FREM3: variants seen among roughly 807,000 people sequenced by gnomAD.
FREM3 encodes FRAS1 related extracellular matrix 3.
In FREM3, 105 loss-of-function variants were observed where a neutral mutation model predicts 129.1. That is an observed-to-expected ratio of 0.81 (90% confidence interval 0.69 to 0.96). The LOEUF (loss-of-function observed/expected upper bound fraction) is 0.96, where lower values mean the gene tolerates loss of function less well. Ranked by LOEUF, FREM3 falls within the 40% of genes least tolerant of loss-of-function variation. The pLI, the probability that FREM3 is intolerant of heterozygous loss-of-function variation, is 0.00. For missense variants in FREM3, 2,593 were observed against 2,666.3 expected, an observed-to-expected ratio of 0.97 and a Z score of 0.61; for synonymous variants, 1,014 against 1,044.9, an observed-to-expected ratio of 0.97 and a Z score of 0.57.
intron 2 of FREM3, among the ~76,000 whole-genome samples, chr4:143,656,708 A>T (rs1478970349): frequency 6.6e-6 from 1 of 152,200 alleles, no homozygotes; most frequent in Admixed American, 6.5e-5. Flanking sequence ...TTTTTGGAGG[A>T]TATAAACTGT....
chr4:143,681,442 A>C (rs1162351427), intron 2 of FREM3, among the ~76,000 whole-genome samples: 2 of 152,166 alleles, frequency 1.3e-5, no homozygotes, highest in African/African-American at 2.4e-5. Context: ...AAGATTAATA[A>C]ACTTGACAGT....
rs138891238 is a variant in FREM3, at chr4:143,599,218, T to C, written c.6028+12061A>G. ...AATTAAAGTTATTTAACCATAAATT[T>C]GGCTTTATTTTAAGTAGCAAACTCT... On this transcript the variant is annotated intron_variant, in intron 6 of 7. Transcript: ENST00000329798. 2.1e-4 allele frequency among the ~76,000 whole-genome samples: 32 copies of C among 152,300 alleles called. No individual in the cohort carries two copies. The East Asian group carries it at 5.6e-3, about 27-fold the overall frequency.
chr4:143,615,258 C>T (rs72940205), intron 5 of FREM3, among the ~76,000 whole-genome samples: 7,225 of 152,232 alleles, frequency 0.047, 463 homozygotes, highest in African/African-American at 0.15. Flanking sequence ...TGATAGTCAG[C>T]CTGGGGCACT....
At chr4:143,639,760 TA>T (rs1259869204) in intron 2 of FREM3, among the ~76,000 whole-genome samples, 32 of 152,268 alleles carry the variant, frequency 2.1e-4, no homozygotes, top group African/African-American at 7.7e-4. Flanking sequence ...ATTGACTGCA[TA>T]TTATCACCAA....
intron 2 of FREM3, among the ~76,000 whole-genome samples, chr4:143,649,734 G>A (rs72723198): frequency 0.028 from 4,334 of 152,108 alleles, 94 homozygotes; most frequent in Non-Finnish European, 0.039. Flanking sequence ...TACAGGCTTG[G>A]CAAATGAGGC....
At position 143,649,790 on chromosome 4, in the gene FREM3, A is replaced by G. The variant is rs538134238; in HGVS notation, c.5276-22030T>C. Reference sequence around the variant, plus strand: ...GCACTAGATAACAGAATTGCAGATTATTTATGAAAAATTAAGGTCTGTTTA... The same window carrying G: ...GCACTAGATAACAGAATTGCAGATTGTTTATGAAAAATTAAGGTCTGTTTA... On this transcript the variant is annotated intron_variant, in intron 2 of 7. Coordinates refer to ENST00000329798, the MANE Select transcript of FREM3 (RefSeq NM_001168235.2). Among the ~76,000 whole-genome samples the G allele has an allele frequency of 2.6e-5, 4 of 152,332 alleles. No individual in the cohort carries two copies. The South Asian group carries it at 8.3e-4, about 32-fold the overall frequency.
Position 143,700,510 on chromosome 4 carries a change from G to C in FREM3, c.166C>G (p.Arg56Gly). ...ATCAGCACGCTGGGGCCGTCGGGGC[G>C]AGTGCCGTCAAGCGCACCCCGGGCG... ...LPARGALDGTRPDGPSVLIAN... is the reference protein window; with the variant it reads ...LPARGALDGTGPDGPSVLIAN... Residue 56 changes from arginine (R) to glycine (G), a missense_variant, in exon 1 of 8, where the codon CGC becomes GGC. By Grantham distance (125) the Arg-to-Gly change is moderately radical. Coordinates refer to ENST00000329798, the MANE Select transcript of FREM3 (RefSeq NM_001168235.2). 1 of 1,517,720 alleles carries C rather than the reference G, an allele frequency of 6.6e-7. No individual in the cohort carries two copies. Among genetic ancestry groups the C allele is most frequent in the South Asian group, 1.2e-5 (1 of 81,684 alleles). The allele number at this position is 1,517,720 out of a possible 1,614,324, so 94.0% of individuals were successfully genotyped here.
chr4:143,680,892 A>G (rs1740236787), intron 2 of FREM3, among the ~76,000 whole-genome samples: 1 of 152,134 alleles, frequency 6.6e-6, no homozygotes, highest in South Asian at 2.1e-4. Flanking sequence ...TAAATCTCTT[A>G]TTAATTTATT....
intron 6 of FREM3, among the ~76,000 whole-genome samples, chr4:143,610,644 T>A (rs2149839119): frequency 6.6e-6 from 1 of 152,306 alleles, no homozygotes; most frequent in East Asian, 1.9e-4. Flanking sequence ...TGGCCCTGTC[T>A]TTATTACCAT....
In FREM3 at chr4:143,591,966, G is replaced by A. The variant is rs140520692; in HGVS notation, c.6029-5973C>T. 1.0e-2 allele frequency among the ~76,000 whole-genome samples: 1,518 copies of A among 152,320 alleles called. 25 individuals are homozygous for A. The highest frequency in any genetic ancestry group is 0.032 in the African/African-American group (1,331 of 41,562). ...ATATTTAGGATAGTTAGTTGTTCTT[G>A]TTGAATTGATCCCTTTACCATTATG... On this transcript the variant is annotated intron_variant, in intron 6 of 7. Transcript: ENST00000329798.
Position 143,585,618 on chromosome 4 carries a change from C to G in FREM3, c.6178+226G>C, listed in dbSNP as rs562747154. Reference sequence around the variant, plus strand: ...TGGAAAAATTAATGTGAGCCCATGACAAGCCAGTGGGTAATAAATGAATCA... The same window carrying G: ...TGGAAAAATTAATGTGAGCCCATGAGAAGCCAGTGGGTAATAAATGAATCA... On this transcript the variant is annotated intron_variant, in intron 7 of 7. Transcript: ENST00000329798. This position sits in a 1 kb window ranked among gnomAD's most constrained non-coding sequence, Gnocchi z 4.2. 2.3e-4 allele frequency among the ~76,000 whole-genome samples: 35 copies of G among 152,300 alleles called. No homozygotes were observed. The highest frequency in any genetic ancestry group is 8.4e-4 in the African/African-American group (35 of 41,560).
intron 2 of FREM3, among the ~76,000 whole-genome samples, chr4:143,642,717 T>C (rs1739342639): frequency 6.6e-6 from 1 of 152,106 alleles, no homozygotes; most frequent in African/African-American, 2.4e-5. Flanking sequence ...CTTCATAACA[T>C]TGGGCTGGGA....
chr4:143,660,745 C>T (rs1228574632), intron 2 of FREM3, among the ~76,000 whole-genome samples: 1 of 151,894 alleles, frequency 6.6e-6, no homozygotes, highest in African/African-American at 2.4e-5. Flanking sequence ...TTTTTTGTAT[C>T]CTCTTTTATT....
rs562654863 is a variant in FREM3, at chr4:143,579,410, G to A, written c.6179-1558C>T. On this transcript the variant is annotated intron_variant, in intron 7 of 7. Coordinates refer to ENST00000329798, the MANE Select transcript of FREM3 (RefSeq NM_001168235.2). ...AGATATTTCAGTAAGCTGAGATCAC[G>A]CCACTGTACTCCAGCCTGGGTGACA... is the stretch of plus-strand genomic sequence containing the variant. Among the ~76,000 whole-genome samples, 10 of 152,254 alleles carry A rather than the reference G, an allele frequency of 6.6e-5. 1 individual carries two copies. In the South Asian group the frequency reaches 1.4e-3, roughly 22 times the overall value.
At chr4:143,665,998 T>C (rs1489691398) in intron 2 of FREM3, among the ~76,000 whole-genome samples, 1 of 152,176 alleles carries the variant, frequency 6.6e-6, no homozygotes, top group African/African-American at 2.4e-5. Context: ...CAGTCTAGCT[T>C]ATCTGTACTA....
At chr4:143,624,716 C>A (rs1560848971) in intron 3 of FREM3, among the ~76,000 whole-genome samples, 1 of 152,074 alleles carries the variant, frequency 6.6e-6, no homozygotes, top group South Asian at 2.1e-4. Flanking sequence ...GAGAAAGATA[C>A]TAGAATATGA....
intron 2 of FREM3, among the ~76,000 whole-genome samples, chr4:143,664,234 T>C (rs1252316107): frequency 1.3e-5 from 2 of 152,116 alleles, no homozygotes; most frequent in Non-Finnish European, 2.9e-5. Context: ...TTTTGGTCAT[T>C]GATGATGGTG....
At chr4:143,615,845 C>T (rs1578835712) in intron 5 of FREM3, among the ~76,000 whole-genome samples, 2 of 123,658 alleles carry the variant, frequency 1.6e-5, no homozygotes, top group African/African-American at 6.2e-5. Context: ...AAGGTGGTAT[C>T]CCCCCAAGAG....
intron 2 of FREM3, among the ~76,000 whole-genome samples, chr4:143,644,807 G>A (rs1739384787): frequency 6.6e-6 from 1 of 152,126 alleles, no homozygotes; most frequent in Admixed American, 6.6e-5. Context: ...GCAAGCCAAG[G>A]TCCTCTGCCC....
Sources: allele counts gnomAD v4.1 joint callset (sites outside exome capture counted in the v4.1 genomes callset), GRCh38; gene constraint gnomAD v4.1.1; non-coding constraint Gnocchi (gnomAD v3.1); transcripts MANE v1.5; gene names NCBI Gene and HGNC (gene_info 2026-07-23, HGNC 2026-07-21).